The following PAIP1 variants were observed in gnomAD, a reference collection of about 807,000 sequenced individuals.
PAIP1 encodes polyadenylate-binding protein-interacting protein 1.
A neutral mutation model predicts 61.3 loss-of-function variants in PAIP1; 16 were observed. The ratio of observed to expected loss-of-function variants is 0.26; its 90% CI spans 0.18 to 0.40. PAIP1 has a LOEUF of 0.40. Among genes scored for constraint, PAIP1 ranks in the 10% least tolerant of loss-of-function variants. The pLI, the probability that PAIP1 is intolerant of heterozygous loss-of-function variation, is 1.00. For missense variants in PAIP1, 416 were observed against 600.9 expected (o/e 0.69, Z 3.22); for synonymous variants, 187 against 226.2 (o/e 0.83, Z 1.56).
intron 4 of PAIP1, 151 bp from the exon 5 acceptor site, chr5:43,539,186 T>C (rs778950362): frequency 3.6e-4 from 212 of 580,914 alleles, no homozygotes; most frequent in Non-Finnish European, 6.1e-4. Flanking sequence ...TTCCTGACTA[T>C]TGAAGAGGCT....
chr5:43,556,016 A>G lies in PAIP1; in HGVS notation c.266-17T>C, dbSNP rs1468871007. ...TCGTTTGCTCTGCAAAAGAAAAAAA[A>G]ACGGGGCGTCAGATGCATTCTTTCC... On this transcript the variant is annotated splice_polypyrimidine_tract_variant and intron_variant, in intron 1 of 10. Coordinates refer to ENST00000306846, the MANE Select transcript of PAIP1 (RefSeq NM_006451.5). 6.2e-7 allele frequency: 1 copy of G among 1,603,640 alleles called. No individual in the cohort carries two copies. Among genetic ancestry groups the G allele is most frequent in the African/African-American group, 1.4e-5 (1 of 73,986 alleles).
At chr5:43,543,810 T>C (rs890435997) in intron 3 of PAIP1, among the ~76,000 whole-genome samples, 5 of 151,804 alleles carry the variant, frequency 3.3e-5, no homozygotes, top group Admixed American at 6.6e-5. Context: ...GTAGAGAACA[T>C]AGTTTACCAT....
intron 5 of PAIP1, 110 bp downstream of exon 5, chr5:43,538,810 CTCTT>C: frequency 1.6e-6 from 1 of 645,016 alleles, no homozygotes; most frequent in Non-Finnish European, 2.8e-6. Flanking sequence ...TCTTTCCTCT[CTCTT>C]TCATTTCACT....
chr5:43,535,985 T>TA (rs1554039831), intron 6 of PAIP1, among the ~76,000 whole-genome samples: 252 of 116,182 alleles, frequency 2.2e-3, no homozygotes, highest in African/African-American at 9.0e-3. Context: ...AAGCTTTGAA[T>TA]AAAAAAAAAA....
Position 43,556,062 on chromosome 5 carries a change from A to G in PAIP1, c.266-63T>C, listed in dbSNP as rs951954649. The stretch of plus-strand genomic sequence containing the variant: ...TTTCCTTTGTACAGCAACTTGCTAT[A>G]TACTGAAAAACCATCTGAAAAGCGT... On this transcript the variant is annotated intron_variant, in intron 1 of 10. Coordinates refer to ENST00000306846, the MANE Select transcript of PAIP1 (RefSeq NM_006451.5). 12 of 1,544,728 alleles carry G rather than the reference A, an allele frequency of 7.8e-6. No individual in the cohort carries two copies. The African/African-American group carries it at 1.5e-4, about 20-fold the overall frequency.
intron 2 of PAIP1, 70 bp downstream of exon 2, chr5:43,555,760 G>A: frequency 1.5e-6 from 2 of 1,348,192 alleles, no homozygotes; most frequent in Non-Finnish European, 2.0e-6. Flanking sequence ...AACATACTCT[G>A]ATTAACAAAG....
chr5:43,539,277 T>TTG (rs75186230), intron 4 of PAIP1, among the ~76,000 whole-genome samples: 1 of 152,152 alleles, frequency 6.6e-6, no homozygotes, highest in Admixed American at 6.5e-5. Context: ...TTTATCAAAT[T>TTG]TAATATGTTT....
At chr5:43,540,807 G>C (rs1343256183) in intron 4 of PAIP1, among the ~76,000 whole-genome samples, 4 of 152,136 alleles carry the variant, frequency 2.6e-5, no homozygotes, top group African/African-American at 9.7e-5. Context: ...CTATACAGTA[G>C]AATCACTTGG....
chr5:43,550,698 A>G (rs1379033677), intron 2 of PAIP1, among the ~76,000 whole-genome samples: 1 of 152,134 alleles, frequency 6.6e-6, no homozygotes, highest in Non-Finnish European at 1.5e-5. Context: ...CTGAGTACCT[A>G]CTAAGTGCCA....
rs147537134 is a variant in PAIP1, at chr5:43,528,493, C to T, written c.1347-1024G>A. On this transcript the variant is annotated intron_variant, in intron 10 of 10. Coordinates refer to ENST00000306846, the MANE Select transcript of PAIP1 (RefSeq NM_006451.5). ...GAGAATATGATGCTTACCAAATAAA[C>T]TTAAGAGGATAACCTGAAGTTCAAT... is the stretch of plus-strand genomic sequence containing the variant. Among the ~76,000 whole-genome samples, 3 of 152,272 alleles carry T rather than the reference C, an allele frequency of 2.0e-5. No individual in the cohort carries two copies. In the East Asian group the frequency reaches 5.8e-4, roughly 29 times the overall value.
chr5:43,548,236 G>A (rs1046114344), intron 2 of PAIP1, among the ~76,000 whole-genome samples: 2 of 152,038 alleles, frequency 1.3e-5, no homozygotes, highest in African/African-American at 4.8e-5. Flanking sequence ...ATCCACTTAC[G>A]AATGAAATAA....
At chr5:43,551,761 TTA>T (rs1491330545) in intron 2 of PAIP1, among the ~76,000 whole-genome samples, 20 of 148,678 alleles carry the variant, frequency 1.3e-4, no homozygotes, top group African/African-American at 4.2e-4. Context: ...TTTTTTTTTT[TTA>T]AAGTCAACAG....
intron 6 of PAIP1, 123 bp from the exon 7 acceptor site, chr5:43,535,763 A>C (rs1007591049): frequency 3.2e-6 from 2 of 625,338 alleles, no homozygotes; most frequent in Non-Finnish European, 5.6e-6. Flanking sequence ...TAATATTCCT[A>C]ATTATTCTGT....
chr5:43,555,896 T>C lies in PAIP1; in HGVS notation c.369A>G (p.Val123=). Residue 123 remains valine, a synonymous_variant, in exon 2 of 11, where the codon GTA becomes GTG. Coordinates refer to ENST00000306846, the MANE Select transcript of PAIP1 (RefSeq NM_006451.5). ...CATTCACAGACAGCTTAGACATTAATACAGGAGCTACAACCACCTGGGGCT... is the reference window on the plus strand; with the variant it reads ...CATTCACAGACAGCTTAGACATTAACACAGGAGCTACAACCACCTGGGGCT... ...MAKPQVVVAP[V]LMSKLSVNAP... The C allele has an allele frequency of 3.7e-6, 6 of 1,613,852 alleles. No homozygotes were observed. Among genetic ancestry groups the C allele is most frequent in the Non-Finnish European group, 4.2e-6 (5 of 1,179,852 alleles).
At chr5:43,540,181 A>T (rs1747341451) in intron 4 of PAIP1, among the ~76,000 whole-genome samples, 1 of 152,248 alleles carries the variant, frequency 6.6e-6, no homozygotes, top group South Asian at 2.1e-4. Context: ...ACTGAGCAAC[A>T]TCTTCTGTTT....
intron 2 of PAIP1, among the ~76,000 whole-genome samples, chr5:43,553,873 C>A (rs1233300270): frequency 1.3e-5 from 2 of 152,134 alleles, no homozygotes; most frequent in Admixed American, 6.5e-5. Flanking sequence ...TATCAAAATG[C>A]CAGTCCACTA....
At chr5:43,553,847 C>T (rs1327883126) in intron 2 of PAIP1, among the ~76,000 whole-genome samples, 1 of 152,162 alleles carries the variant, frequency 6.6e-6, no homozygotes, top group Admixed American at 6.5e-5. Context: ...TACTCAGCTC[C>T]AACCAATTTT....
In PAIP1 at chr5:43,556,578, G is replaced by A. The variant is rs1001490132; in HGVS notation, c.265+4C>T. The A allele has an allele frequency of 3.2e-6, 4 of 1,252,334 alleles. No homozygotes were observed. The highest frequency in any genetic ancestry group is 1.6e-5 in the African/African-American group (1 of 64,410). 77.6% of individuals were successfully genotyped at this position (1,252,334 alleles called of 1,614,324 possible). On this transcript the variant is annotated splice_donor_region_variant and intron_variant, in intron 1 of 10. Coordinates refer to ENST00000306846, the MANE Select transcript of PAIP1 (RefSeq NM_006451.5). ...GGACTGGGGCCCTTAGAGCTGCTCCGTACCTGGGAGCGCCCCGGGCCGGGA... is the reference window on the plus strand; with the variant it reads ...GGACTGGGGCCCTTAGAGCTGCTCCATACCTGGGAGCGCCCCGGGCCGGGA...
intron 4 of PAIP1, among the ~76,000 whole-genome samples, chr5:43,542,533 CAAAA>C (rs35220672): frequency 3.2e-5 from 2 of 62,134 alleles, no homozygotes. Context: ...GACTCCATCT[CAAAA>C]AAAAAAAAAA....
Sources: gnomAD v4.1 joint callset for allele counts (sites outside exome capture counted in the v4.1 genomes callset) on GRCh38, gnomAD v4.1.1 for gene constraint, MANE v1.5 for transcripts, NCBI Gene and HGNC (gene_info 2026-07-23, HGNC 2026-07-21) for gene names.